Variants in COL5A2 observed in about 807,000 individuals in gnomAD.
The protein encoded by COL5A2 is collagen type V alpha 2 chain, also known as collagen alpha-2(V) chain.
Under a neutral mutation model 208.2 loss-of-function variants are expected in COL5A2, and 23 were observed. That is an observed-to-expected ratio of 0.11 (90% CI 0.08 to 0.16). The LOEUF (loss-of-function observed/expected upper bound fraction) is 0.16, where lower values mean the gene tolerates loss of function less well. Ranked by LOEUF, COL5A2 falls within the 10% of genes least tolerant of loss-of-function variation. The pLI is 1.00. For missense variants in COL5A2, 1,590 were observed against 1,956.4 expected (o/e 0.81, Z 3.53); for synonymous variants, 625 against 628.5 (o/e 0.99, Z 0.08).
chr2:189,037,160 G>C (rs1235810757), intron 51 of COL5A2, among the ~76,000 whole-genome samples: 1 of 152,102 alleles, frequency 6.6e-6, no homozygotes, highest in Non-Finnish European at 1.5e-5. Context: ...ATTAGAATGA[G>C]TGTAACAAAA....
the COL5A2 span, among the ~76,000 whole-genome samples, chr2:189,283,436 T>A: frequency 6.6e-6 from 1 of 152,042 alleles, no homozygotes; most frequent in Non-Finnish European, 1.5e-5. Flanking sequence ...CCCAGTCTAA[T>A]CATGAGACAA....
intron 22 of COL5A2, 104 bp downstream of exon 22, chr2:189,066,625 A>G: frequency 7.5e-7 from 1 of 1,335,788 alleles, no homozygotes; most frequent in Non-Finnish European, 1.1e-6. Flanking sequence ...TTTCATCTCA[A>G]GCTATTATAA....
chr2:189,141,482 A>G (rs574814083), intron 1 of COL5A2, among the ~76,000 whole-genome samples: 42 of 152,266 alleles, frequency 2.8e-4, no homozygotes, highest in African/African-American at 9.9e-4. Context: ...CTATTACTGT[A>G]ACCAAAGACT....
chr2:189,420,066 A>AAGGG, the COL5A2 span, among the ~76,000 whole-genome samples: 136 of 126,910 alleles, frequency 1.1e-3, no homozygotes, highest in African/African-American at 3.3e-3. Flanking sequence ...GGAAGGAAGG[A>AAGGG]AGGGAGGGAG....
upstream of COL5A2, among the ~76,000 whole-genome samples, chr2:189,227,686 C>G (rs573839041): frequency 6.6e-6 from 1 of 151,780 alleles, no homozygotes; most frequent in Admixed American, 6.6e-5. Flanking sequence ...TATATGCAAC[C>G]AATATAGAGC....
chr2:189,295,013 T>G, the COL5A2 span, among the ~76,000 whole-genome samples: 1 of 152,138 alleles, frequency 6.6e-6, no homozygotes, highest in Non-Finnish European at 1.5e-5. Context: ...CTCGCTTTAT[T>G]GCCCAGACTG....
the COL5A2 span, among the ~76,000 whole-genome samples, chr2:189,240,393 C>T: frequency 1.6e-3 from 248 of 152,272 alleles, 1 homozygote; most frequent in African/African-American, 5.6e-3. Context: ...TGAATTCCAT[C>T]ATGAGGGCCT....
At chr2:189,155,711 T>G (rs1251214663) in intron 1 of COL5A2, among the ~76,000 whole-genome samples, 1 of 152,190 alleles carries the variant, frequency 6.6e-6, no homozygotes, top group Admixed American at 6.5e-5. Context: ...CTTTTATTTC[T>G]CTGTATTAGT....
At chr2:189,425,389 C>G in the COL5A2 span, among the ~76,000 whole-genome samples, 6 of 152,130 alleles carry the variant, frequency 3.9e-5, no homozygotes, top group Non-Finnish European at 8.8e-5. Context: ...TGTCAAAGAG[C>G]TATCTGCACT....
the COL5A2 span, among the ~76,000 whole-genome samples, chr2:189,266,634 G>T: frequency 1.3e-5 from 2 of 152,060 alleles, no homozygotes; most frequent in Admixed American, 1.3e-4. Context: ...AATAAGGAAT[G>T]ACTGCTCATG....
At chr2:189,047,650 G>A (rs1314115920) in intron 45 of COL5A2, among the ~76,000 whole-genome samples, 1 of 152,188 alleles carries the variant, frequency 6.6e-6, no homozygotes, top group East Asian at 1.9e-4. Context: ...CATCATAACA[G>A]ACTTTGGAGT....
the COL5A2 span, among the ~76,000 whole-genome samples, chr2:189,389,462 TAGG>T: frequency 5.9e-5 from 9 of 152,188 alleles, no homozygotes; most frequent in Admixed American, 5.9e-4. Flanking sequence ...GCAAAAATTT[TAGG>T]AGTTTTTTTC....
chr2:189,142,143 T>C (rs1260536476), intron 1 of COL5A2, among the ~76,000 whole-genome samples: 1 of 152,102 alleles, frequency 6.6e-6, no homozygotes, highest in Non-Finnish European at 1.5e-5. Context: ...ATCTATATGT[T>C]TTCATGTTAT....
the COL5A2 span, among the ~76,000 whole-genome samples, chr2:189,252,741 C>T: frequency 1.0e-5 from 1 of 96,106 alleles, no homozygotes; most frequent in East Asian, 3.3e-4. Flanking sequence ...TGCACATGTA[C>T]CCTATTAAAG....
chr2:189,228,979 C>T (rs1487657959), upstream of COL5A2, among the ~76,000 whole-genome samples: 1 of 151,800 alleles, frequency 6.6e-6, no homozygotes, highest in Non-Finnish European at 1.5e-5. Context: ...CGAGATTTAT[C>T]CCTGGGATGC....
intron 1 of COL5A2, among the ~76,000 whole-genome samples, chr2:189,130,468 GC>G (rs1687688893): frequency 6.6e-6 from 1 of 151,868 alleles, no homozygotes; most frequent in African/African-American, 2.4e-5. Context: ...CCTAATTTTT[GC>G]TTTAATAGCT....
intron 29 of COL5A2, 101 bp downstream of exon 29, chr2:189,062,763 CT>C: frequency 7.4e-7 from 1 of 1,356,144 alleles, no homozygotes. Context: ...TTCTTATTCA[CT>C]TTCCCTGAAA....
At chr2:189,236,703 C>T in the COL5A2 span, among the ~76,000 whole-genome samples, 2 of 151,846 alleles carry the variant, frequency 1.3e-5, no homozygotes, top group Non-Finnish European at 2.9e-5. Context: ...AATGTTTCCA[C>T]TGGGCTATCT....
At chr2:189,334,881 C>T in the COL5A2 span, among the ~76,000 whole-genome samples, 1 of 151,858 alleles carries the variant, frequency 6.6e-6, no homozygotes, top group Admixed American at 6.6e-5. Context: ...AATATATATA[C>T]CTACCAATAG....
Sources: allele counts gnomAD v4.1 joint callset (sites outside exome capture counted in the v4.1 genomes callset), GRCh38; gene constraint gnomAD v4.1.1; transcripts MANE v1.5; gene names NCBI Gene and HGNC (gene_info 2026-07-23, HGNC 2026-07-21).